Variants in TINAG observed in about 807,000 individuals in gnomAD.
TINAG encodes the protein tubulointerstitial nephritis antigen.
Under a neutral mutation model 72.7 loss-of-function variants are expected in TINAG, and 83 were observed. The observed-to-expected ratio is 1.14, with a 90% confidence interval of 0.96 to 1.37. TINAG has a LOEUF of 1.37. TINAG is among the 40% of genes most tolerant of loss of function. The pLI is 0.00. For missense variants in TINAG, 685 were observed against 576.6 expected (o/e 1.19, Z -1.93); for synonymous variants, 234 against 189.9 (o/e 1.23, Z -1.91).
At chr6:54,379,292 G>A (rs1483163210) in intron 9 of TINAG, among the ~76,000 whole-genome samples, 4 of 152,178 alleles carry the variant, frequency 2.6e-5, no homozygotes, top group South Asian at 2.1e-4. Flanking sequence ...GAGACTTGGA[G>A]CCTTGGCTCA....
intron 9 of TINAG, among the ~76,000 whole-genome samples, chr6:54,365,011 C>T (rs1328091100): frequency 6.6e-6 from 1 of 151,176 alleles, no homozygotes; most frequent in Non-Finnish European, 1.5e-5. Flanking sequence ...TTTCTTTTTC[C>T]TCTGTCTTTT....
chr6:54,369,606 C>T (rs9395949), intron 9 of TINAG, among the ~76,000 whole-genome samples: 28,457 of 151,674 alleles, frequency 0.19, 2,810 homozygotes, highest in African/African-American at 0.21. Flanking sequence ...AGGAGCATGG[C>T]GTTGAGTTAG....
At chr6:54,324,982 C>T (rs1351182177) in intron 3 of TINAG, among the ~76,000 whole-genome samples, 1 of 152,122 alleles carries the variant, frequency 6.6e-6, no homozygotes, top group African/African-American at 2.4e-5. Flanking sequence ...CCCTGTGTCC[C>T]TATCCTCTCT....
At chr6:54,366,092 C>G (rs900105677) in intron 9 of TINAG, among the ~76,000 whole-genome samples, 2 of 151,580 alleles carry the variant, frequency 1.3e-5, no homozygotes, top group Non-Finnish European at 3.0e-5. Context: ...AGAACTCTCA[C>G]GAAATACAAC....
Position 54,354,643 on chromosome 6 carries a change from C to A in TINAG, c.1250+7C>A, listed in dbSNP as rs1395449515. ...ATGCAGTCAAACTCACTGGGTAAGG[C>A]AATTAAACAAAATTCATTTAATTCT... is the stretch of plus-strand genomic sequence containing the variant. On this transcript the variant is annotated splice_region_variant and intron_variant, in intron 9 of 10. Transcript: ENST00000259782. 6.2e-7 allele frequency: 1 copy of A among 1,600,608 alleles called. No homozygotes were observed. The highest frequency in any genetic ancestry group is 2.3e-5 in the East Asian group (1 of 44,182).
At chr6:54,384,227 T>C (rs976717852) in intron 10 of TINAG, among the ~76,000 whole-genome samples, 6 of 152,028 alleles carry the variant, frequency 3.9e-5, no homozygotes, top group Non-Finnish European at 7.4e-5. Context: ...AGGAGAGGGA[T>C]AGCATTAGGA....
intron 1 of TINAG, among the ~76,000 whole-genome samples, chr6:54,319,948 C>T (rs2150934763): frequency 6.6e-6 from 1 of 152,090 alleles, no homozygotes; most frequent in South Asian, 2.1e-4. Flanking sequence ...AATGATTCAC[C>T]ATCCATCTCT....
intron 9 of TINAG, 28 bp from the exon 10 acceptor site, chr6:54,380,498 C>G (rs763033273): frequency 6.3e-7 from 1 of 1,591,584 alleles, no homozygotes; most frequent in African/African-American, 1.4e-5. Context: ...TTAACCATAC[C>G]AATCTTTATT....
At position 54,389,986 on chromosome 6, in the gene TINAG, A is replaced by G. The variant is rs932793894; in HGVS notation, c.*61A>G. On this transcript the variant is annotated 3_prime_UTR_variant, in exon 11 of 11. Transcript: ENST00000259782. ...GTAACCCCCTAAATTGAAGTTTAGC[A>G]ATATGACATTCTTGGTGACAGTGGA... 6.3e-7 allele frequency: 1 copy of G among 1,574,984 alleles called. No individual in the cohort carries two copies.
intron 9 of TINAG, among the ~76,000 whole-genome samples, chr6:54,371,509 T>C (rs982832616): frequency 6.6e-6 from 1 of 151,660 alleles, no homozygotes; most frequent in African/African-American, 2.4e-5. Context: ...ATTCTAATTA[T>C]GATATTAATG....
At chr6:54,368,567 T>C (rs1016041077) in intron 9 of TINAG, among the ~76,000 whole-genome samples, 2 of 151,266 alleles carry the variant, frequency 1.3e-5, no homozygotes, top group African/African-American at 4.8e-5. Flanking sequence ...ATTAAATTCT[T>C]ATATAAATTT....
Position 54,327,327 on chromosome 6 carries a change from C to T in TINAG, c.624+411C>T, listed in dbSNP as rs758913778. 122 of 708,038 alleles carry T rather than the reference C, an allele frequency of 1.7e-4. 1 individual carries two copies. The highest frequency in any genetic ancestry group is 7.2e-4 in the South Asian group (37 of 51,356). 43.9% of individuals were successfully genotyped at this position (708,038 alleles called of 1,614,324 possible). On this transcript the variant is annotated intron_variant, in intron 4 of 10. Coordinates refer to ENST00000259782, the MANE Select transcript of TINAG (RefSeq NM_014464.4). ...TGAGCAGAAGCAGGGTAGGATGTCA[C>T]CTCACCCAGGAAGAGCAAGGAGGCT... is the stretch of plus-strand genomic sequence containing the variant.
chr6:54,337,821 G>C (rs1321292332), intron 4 of TINAG, among the ~76,000 whole-genome samples: 2 of 152,196 alleles, frequency 1.3e-5, no homozygotes, highest in African/African-American at 2.4e-5. Context: ...GGCTGATGGT[G>C]CGGTAGAAGA....
chr6:54,344,712 C>A (rs1785079660), intron 5 of TINAG, among the ~76,000 whole-genome samples: 1 of 152,072 alleles, frequency 6.6e-6, no homozygotes, highest in Non-Finnish European at 1.5e-5. Context: ...AGGTCTCAAC[C>A]CCACAGATAG....
intron 4 of TINAG, among the ~76,000 whole-genome samples, chr6:54,333,113 A>C (rs1329701242): frequency 2.0e-5 from 3 of 152,210 alleles, no homozygotes; most frequent in Non-Finnish European, 4.4e-5. Context: ...CAATCTCATT[A>C]CTGGGTATAT....
At chr6:54,330,447 G>A (rs747973623) in intron 4 of TINAG, among the ~76,000 whole-genome samples, 24 of 152,122 alleles carry the variant, frequency 1.6e-4, no homozygotes, top group Admixed American at 2.6e-4. Context: ...CTGGGACACA[G>A]CTAAAACAGT....
chr6:54,358,170 A>C (rs1763113965), intron 9 of TINAG, among the ~76,000 whole-genome samples: 1 of 151,688 alleles, frequency 6.6e-6, no homozygotes, highest in African/African-American at 2.4e-5. Context: ...CACCTTCTTA[A>C]TATGTCCTCC....
intron 9 of TINAG, among the ~76,000 whole-genome samples, chr6:54,360,841 G>GTTCTTTTTTTTTTTT (rs1763205555): frequency 3.8e-5 from 1 of 26,242 alleles, no homozygotes; most frequent in Non-Finnish European, 8.5e-5. Flanking sequence ...CAGATACTGT[G>GTTCTTTTTTTTTTTT]TTTTTTTTTT....
chr6:54,339,104 C>T (rs577245633), intron 4 of TINAG, among the ~76,000 whole-genome samples: 1 of 152,186 alleles, frequency 6.6e-6, no homozygotes, highest in African/African-American at 2.4e-5. Context: ...TTTGTTGATG[C>T]CTTGGGTTCA....
Sources: gnomAD v4.1 joint callset for allele counts (sites outside exome capture counted in the v4.1 genomes callset) on GRCh38, gnomAD v4.1.1 for gene constraint, MANE v1.5 for transcripts, NCBI Gene and HGNC (gene_info 2026-07-23, HGNC 2026-07-21) for gene names.